ST7: variants seen among roughly 807,000 people sequenced by gnomAD.
ST7 encodes the protein suppressor of tumorigenicity 7 protein.
Under a neutral mutation model 78.7 loss-of-function variants are expected in ST7, and 28 were observed. The ratio of observed to expected loss-of-function variants is 0.36; its 90% CI spans 0.26 to 0.49. The LOEUF is 0.49. Ranked by LOEUF, ST7 falls within the 20% of genes least tolerant of loss-of-function variation. The probability of loss-of-function intolerance (pLI) is 0.99; values close to 1 mark genes in which losing one functional copy is unlikely to be tolerated. For synonymous variants in ST7, 247 were observed against 249.6 expected, an observed-to-expected ratio of 0.99 and a Z score of 0.10; for missense variants, 418 against 696.0, an observed-to-expected ratio of 0.60 and a Z score of 4.49.
At chr7:116,972,689 G>T (rs1266548585) in intron 1 of ST7, 3 of 988,684 alleles carry the variant, frequency 3.0e-6, no homozygotes, top group Non-Finnish European at 4.9e-6. Context: ...TCCAGCTTTT[G>T]CAGGGCAGTG....
intron 1 of ST7, among the ~76,000 whole-genome samples, chr7:117,041,879 A>G (rs114251279): frequency 9.2e-5 from 14 of 152,338 alleles, no homozygotes; most frequent in African/African-American, 3.4e-4. Flanking sequence ...AAATATGGAC[A>G]TTATGCTGAA....
intron 1 of ST7, among the ~76,000 whole-genome samples, chr7:117,059,427 C>G (rs1798234980): frequency 6.6e-6 from 1 of 152,070 alleles, no homozygotes; most frequent in Admixed American, 6.5e-5. Flanking sequence ...AGAAATATGT[C>G]TTTGCCTATT....
intron 2 of ST7, among the ~76,000 whole-genome samples, chr7:117,107,285 G>A (rs1802056167): frequency 6.6e-6 from 1 of 152,142 alleles, no homozygotes; most frequent in Non-Finnish European, 1.5e-5. Flanking sequence ...TAGGTACCTG[G>A]TAGTGGGATT....
chr7:117,160,617 T>TATTACATATACACATACATATAC (rs1473464641), intron 9 of ST7, among the ~76,000 whole-genome samples: 2 of 151,856 alleles, frequency 1.3e-5, no homozygotes, highest in East Asian at 3.9e-4. Context: ...CATATGTATA[T>TATTACATATACACATACATATAC]ATTACATATA....
At chr7:117,104,125 C>T (rs1056197800) in intron 2 of ST7, among the ~76,000 whole-genome samples, 2 of 152,038 alleles carry the variant, frequency 1.3e-5, no homozygotes, top group Non-Finnish European at 2.9e-5. Context: ...CATGTGCCAC[C>T]GTGCCTGGCT....
intron 1 of ST7, among the ~76,000 whole-genome samples, chr7:117,059,807 C>CCAA: frequency 3.1e-5 from 1 of 31,990 alleles, no homozygotes; most frequent in South Asian, 1.1e-3. Context: ...TTCATCTCTG[C>CCAA]AAAAAAAAAA....
intron 1 of ST7, chr7:116,958,783 G>T: frequency 4.7e-6 from 2 of 422,938 alleles, no homozygotes; most frequent in Non-Finnish European, 9.5e-6. Flanking sequence ...ATATCTAAAA[G>T]ACCAATGTAT....
chr7:117,137,917 T>G (rs1351696428), intron 8 of ST7, among the ~76,000 whole-genome samples: 1 of 152,170 alleles, frequency 6.6e-6, no homozygotes, highest in Non-Finnish European at 1.5e-5. Flanking sequence ...CATACTCTAT[T>G]GTCATATCTG....
rs1248440292 is a variant in ST7 at position 117,055,579 on chromosome 7, GTCATT to G, written c.152-44182_152-44178del. On this transcript the variant is annotated intron_variant, in intron 1 of 15. Coordinates refer to ENST00000323984, the MANE Select transcript of ST7 (RefSeq NM_001369598.1). Reference sequence around the variant, plus strand: ...TGCTGGACCCAGGATTTGCACTCAGGTCATTGTCACCAATAACCTGTGCTCCAACC... The same window carrying G: ...TGCTGGACCCAGGATTTGCACTCAGGGTCACCAATAACCTGTGCTCCAACC... Among the ~76,000 whole-genome samples the G allele has an allele frequency of 8.7e-3, 1,328 of 152,260 alleles. 22 individuals are homozygous for G. Among genetic ancestry groups the G allele is most frequent in the African/African-American group, 0.029 (1,223 of 41,546 alleles).
rs112894461 is a variant in ST7 at position 117,156,741 on chromosome 7, A to G, written c.964-14121A>G. Among the ~76,000 whole-genome samples the G allele has an allele frequency of 1.6e-3, 246 of 152,304 alleles. 1 individual carries two copies. The highest frequency in any genetic ancestry group is 3.6e-3 in the African/African-American group (150 of 41,564). On this transcript the variant is annotated intron_variant, in intron 9 of 15. Transcript: ENST00000323984. ...TGTGTTAACATGGGGGCTTAAAGAA[A>G]AAAGAATTTTTACAGAAATGAGAGT...
intron 9 of ST7, among the ~76,000 whole-genome samples, chr7:117,165,149 A>G (rs1404432836): frequency 6.6e-6 from 1 of 152,242 alleles, no homozygotes; most frequent in Non-Finnish European, 1.5e-5. Context: ...TGCAGAAGAC[A>G]GGAGAGGCCG....
intron 1 of ST7, among the ~76,000 whole-genome samples, chr7:117,083,203 G>A (rs1177126439): frequency 6.6e-6 from 1 of 151,836 alleles, no homozygotes; most frequent in East Asian, 1.9e-4. Flanking sequence ...AGGATTACAG[G>A]CACCCACAAC....
At chr7:117,082,348 C>T (rs1445693297) in intron 1 of ST7, among the ~76,000 whole-genome samples, 1 of 152,134 alleles carries the variant, frequency 6.6e-6, no homozygotes, top group African/African-American at 2.4e-5. Context: ...ACCAGAAATA[C>T]CCAATTTGAC....
intron 1 of ST7, among the ~76,000 whole-genome samples, chr7:117,049,592 C>G (rs1288081077): frequency 1.3e-5 from 2 of 152,188 alleles, no homozygotes; most frequent in African/African-American, 4.8e-5. Context: ...CACATAAAAG[C>G]TGCATTTTCA....
intron 1 of ST7, among the ~76,000 whole-genome samples, chr7:117,076,213 A>C (rs534415387): frequency 1.3e-5 from 2 of 152,214 alleles, no homozygotes; most frequent in Non-Finnish European, 2.9e-5. Context: ...ACCTAGACCA[A>C]ACCTCCGGTG....
At chr7:116,963,890 CA>C (rs899297649) in intron 1 of ST7, among the ~76,000 whole-genome samples, 1 of 152,120 alleles carries the variant, frequency 6.6e-6, no homozygotes, top group African/African-American at 2.4e-5. Flanking sequence ...CTCGGCCTCC[CA>C]AAGTGCTGCG....
intron 1 of ST7, among the ~76,000 whole-genome samples, chr7:117,053,664 C>T (rs1243766634): frequency 3.3e-5 from 5 of 152,156 alleles, no homozygotes; most frequent in Non-Finnish European, 7.3e-5. Flanking sequence ...TGAGCAATTT[C>T]CACATTCCAG....
At chr7:117,108,507 T>C (rs1802161943) in intron 2 of ST7, among the ~76,000 whole-genome samples, 1 of 152,216 alleles carries the variant, frequency 6.6e-6, no homozygotes, top group East Asian at 1.9e-4. Flanking sequence ...TATAGTATAG[T>C]TTGAAGTCAG....
chr7:117,092,125 G>T lies in ST7; in HGVS notation c.152-7637G>T, dbSNP rs548267283. 1.5e-4 allele frequency among the ~76,000 whole-genome samples: 23 copies of T among 151,970 alleles called. No homozygotes were observed. In the South Asian group the frequency reaches 4.8e-3, roughly 32 times the overall value. On this transcript the variant is annotated intron_variant, in intron 1 of 15. Transcript: ENST00000323984. ...TCCCACCCACATTCAAGGGAAAGGG[G>T]TCACATAAAGTTATGAATAACTGGG...
Sources: allele counts gnomAD v4.1 joint callset (sites outside exome capture counted in the v4.1 genomes callset), GRCh38; gene constraint gnomAD v4.1.1; transcripts MANE v1.5; gene names NCBI Gene and HGNC (gene_info 2026-07-23, HGNC 2026-07-21).